Variants in BPI observed in about 807,000 individuals in gnomAD.
BPI encodes bactericidal permeability increasing protein, also known as bactericidal permeability-increasing protein.
BPI carries 48 observed loss-of-function variants against 57.6 expected under a neutral mutation model. The ratio of observed to expected loss-of-function variants is 0.83; its 90% CI spans 0.66 to 1.06. The LOEUF (loss-of-function observed/expected upper bound fraction) is 1.06. Ranked by LOEUF, BPI falls within the 50% of genes least tolerant of loss-of-function variation. The probability of loss-of-function intolerance (pLI) is 0.00; values close to 1 mark genes in which losing one functional copy is unlikely to be tolerated. For missense variants in BPI, 651 were observed against 609.7 expected (o/e 1.07, Z -0.71); for synonymous variants, 237 against 238.2 (o/e 0.99, Z 0.05).
rs147429612 is a variant in BPI, at chr20:38,330,535, G to T, written c.1230-513G>T. Among the ~76,000 whole-genome samples, 16 of 152,278 alleles carry T rather than the reference G, an allele frequency of 1.1e-4. No individual in the cohort carries two copies. The East Asian group carries it at 2.9e-3, about 28-fold the overall frequency. On this transcript the variant is annotated intron_variant, in intron 11 of 14. Coordinates refer to ENST00000642449, the MANE Select transcript of BPI (RefSeq NM_001725.3). ...GGCTCAGGTAACTGAAAAATCCAAG[G>T]CTTTCAGTCAAGGAAAGACCCAGGT...
chr20:38,320,044 G>A, intron 6 of BPI, 139 bp from the exon 7 acceptor site: 1 of 721,834 alleles, frequency 1.4e-6, no homozygotes, highest in Non-Finnish European at 2.4e-6. Flanking sequence ...GCTCCCTTAA[G>A]GAGAGCTCCC....
intron 10 of BPI, among the ~76,000 whole-genome samples, chr20:38,326,819 A>G (rs1271188863): frequency 6.6e-6 from 1 of 152,102 alleles, no homozygotes; most frequent in East Asian, 1.9e-4. Context: ...TAGATTGTTG[A>G]CTTGAAATAT....
At chr20:38,334,322 G>C in intron 12 of BPI, 108 bp from the exon 13 acceptor site, 6 of 1,088,132 alleles carry the variant, frequency 5.5e-6, no homozygotes, top group Middle Eastern at 2.3e-4. Context: ...CGGTTGCTGA[G>C]CAGCGCTAGG....
Position 38,321,695 on chromosome 20 carries a change from G to A in BPI, c.756+1421G>A, listed in dbSNP as rs1272770144. 3.9e-5 allele frequency: 6 copies of A among 152,014 alleles called. No homozygotes were observed. The South Asian group carries it at 8.3e-4, about 21-fold the overall frequency. The allele number at this position is 152,014 out of a possible 1,614,324, so 9.4% of individuals were successfully genotyped here. On this transcript the variant is annotated intron_variant, in intron 7 of 14. Transcript: ENST00000642449. ...AAAAGAAACTTTAGAAACTGCAGAG[G>A]AATGCAGAAATAAATATAGGAAAGA...
intron 4 of BPI, 88 bp from the exon 5 acceptor site, chr20:38,311,786 A>C: frequency 3.0e-6 from 4 of 1,340,082 alleles, no homozygotes; most frequent in Non-Finnish European, 4.3e-6. Flanking sequence ...CTAGGAGGGA[A>C]GAAAGCTTTT....
intron 5 of BPI, chr20:38,317,746 C>A (rs898048693): frequency 1.7e-6 from 2 of 1,198,786 alleles, no homozygotes; most frequent in Non-Finnish European, 2.4e-6. Context: ...ATGTAATTTG[C>A]CATGTTCCGT....
At position 38,329,268 on chromosome 20, in the gene BPI, C is replaced by T. The variant is rs369062151; in HGVS notation, c.1229+1613C>T. On this transcript the variant is annotated intron_variant, in intron 11 of 14. Transcript: ENST00000642449. The stretch of plus-strand genomic sequence containing the variant: ...ATATGCAAGCAGATGTGATGGCCCC[C>T]CGCAGTTAGACCTGGCACCCGCCTC... 1.1e-4 allele frequency among the ~76,000 whole-genome samples: 16 copies of T among 152,208 alleles called. No homozygotes were observed. The East Asian group carries it at 2.9e-3, about 28-fold the overall frequency.
chr20:38,334,540 G>C, intron 13 of BPI, 47 bp downstream of exon 13: 1 of 1,582,690 alleles, frequency 6.3e-7, no homozygotes, highest in East Asian at 2.2e-5. Context: ...TGGGGGAAGA[G>C]GGTGGGGTTG....
rs371339390 is a variant in BPI, at chr20:38,311,913, G to T, written c.576G>T (p.Ala192=). Residue 192 remains alanine, a synonymous_variant, in exon 5 of 15, where the codon GCG becomes GCT. Coordinates refer to ENST00000642449, the MANE Select transcript of BPI (RefSeq NM_001725.3). ...TCTTCCACAAAAAAATTGAGTCTGC[G>T]CTTCGAAACAAGATGAACAGCCAGG... ...IQLFHKKIES[A]LRNKMNSQVC... 3 of 1,613,926 alleles carry T rather than the reference G, an allele frequency of 1.9e-6. No individual in the cohort carries two copies. Among genetic ancestry groups the T allele is most frequent in the South Asian group, 1.1e-5 (1 of 91,064 alleles).
chr20:38,307,786 C>T (rs189039320), intron 2 of BPI, 105 bp downstream of exon 2: 9 of 956,344 alleles, frequency 9.4e-6, no homozygotes, highest in East Asian at 2.8e-5. Context: ...CACAGAGTTT[C>T]ATATCCCAAA....
chr20:38,329,042 T>C (rs2076728978), intron 11 of BPI, among the ~76,000 whole-genome samples: 1 of 149,062 alleles, frequency 6.7e-6, no homozygotes, highest in Non-Finnish European at 1.5e-5. Context: ...AACAAATAGA[T>C]TTTTAAAAGT....
chr20:38,335,088 G>T (rs2076760810), intron 13 of BPI, among the ~76,000 whole-genome samples: 1 of 152,092 alleles, frequency 6.6e-6, no homozygotes, highest in Admixed American at 6.6e-5. Flanking sequence ...TCAGTCCTGG[G>T]ATCTGTCCTC....
chr20:38,307,545 C>T, intron 1 of BPI, 22 bp from the exon 2 acceptor site: 5 of 1,567,868 alleles, frequency 3.2e-6, no homozygotes, highest in Non-Finnish European at 4.3e-6. Context: ...CTCTCACTGT[C>T]ACCCCTGCCT....
In BPI at chr20:38,304,181, C is replaced by A; in HGVS notation, c.-43C>A. ...CTTTTATAGCTCCCTGGTTCAACCT[C>A]AAGGCCTTGAGGTTTTGGCAGCTCT... On this transcript the variant is annotated 5_prime_UTR_variant, in exon 1 of 15. Coordinates refer to ENST00000642449, the MANE Select transcript of BPI (RefSeq NM_001725.3). 1 of 1,613,454 alleles carries A rather than the reference C, an allele frequency of 6.2e-7. No individual in the cohort carries two copies. The highest frequency in any genetic ancestry group is 8.5e-7 in the Non-Finnish European group (1 of 1,179,572).
rs761205823 is a variant in BPI at position 38,304,377 on chromosome 20, C to T, written c.130+24C>T. 7.7e-5 allele frequency: 124 copies of T among 1,609,454 alleles called. No individual in the cohort carries two copies. The Middle Eastern group carries it at 8.0e-4, about 10-fold the overall frequency. On this transcript the variant is annotated intron_variant, in intron 1 of 14. Coordinates refer to ENST00000642449, the MANE Select transcript of BPI (RefSeq NM_001725.3). Reference sequence around the variant, plus strand: ...CGGTAACTGGATGCCTCCCTTCCCTCCTCTCCACCCCTGAGGAGCACTTAC... The same window carrying T: ...CGGTAACTGGATGCCTCCCTTCCCTTCTCTCCACCCCTGAGGAGCACTTAC...
At chr20:38,326,831 T>C (rs975726875) in intron 10 of BPI, among the ~76,000 whole-genome samples, 1 of 152,274 alleles carries the variant, frequency 6.6e-6, no homozygotes, top group Admixed American at 6.5e-5. Flanking sequence ...TTGAAATATG[T>C]TATACATTTT....
At position 38,323,870 on chromosome 20, in the gene BPI, G is replaced by A; in HGVS notation, c.757G>A (p.Gly253Arg). Residue 253 changes from glycine (G) to arginine (R), a missense_variant and splice_region_variant, in exon 8 of 15, where the codon GGG becomes AGG. By Grantham distance (125) the Gly-to-Arg change is moderately radical (BLOSUM62 -2). Coordinates refer to ENST00000642449, the MANE Select transcript of BPI (RefSeq NM_001725.3). ...TAETLDVQMK[G>R]EFYSENHHNP... ...CTCACTCTGTTGCCTCTACCCCCAG[G>A]GGGAGTTTTACAGTGAGAACCACCA... The A allele has an allele frequency of 6.2e-7, 1 of 1,613,764 alleles. No individual in the cohort carries two copies. The highest frequency in any genetic ancestry group is 8.5e-7 in the Non-Finnish European group (1 of 1,179,842).
At chr20:38,305,742 T>C (rs955166568) in intron 1 of BPI, among the ~76,000 whole-genome samples, 2 of 152,164 alleles carry the variant, frequency 1.3e-5, no homozygotes, top group Non-Finnish European at 2.9e-5. Flanking sequence ...AGCTTCCTTA[T>C]CTGTGAAATG....
At chr20:38,314,373 ATGG>A (rs1222803042) in intron 5 of BPI, among the ~76,000 whole-genome samples, 2 of 134,760 alleles carry the variant, frequency 1.5e-5, no homozygotes, top group African/African-American at 5.6e-5. Flanking sequence ...GATGATGATG[ATGG>A]TGGTGATGGT....
Sources: allele counts gnomAD v4.1 joint callset (sites outside exome capture counted in the v4.1 genomes callset), GRCh38; gene constraint gnomAD v4.1.1; transcripts MANE v1.5; gene names NCBI Gene and HGNC (gene_info 2026-07-23, HGNC 2026-07-21).